Variants in LINGO2 observed in about 807,000 individuals in gnomAD.
LINGO2 encodes the protein leucine rich repeat and Ig domain containing 2.
A neutral mutation model predicts 30.6 loss-of-function variants in LINGO2; 14 were observed. That is an observed-to-expected ratio of 0.46 (90% confidence interval 0.30 to 0.72). The LOEUF is 0.72. Ranked by LOEUF, LINGO2 falls within the 30% of genes least tolerant of loss-of-function variation. The pLI, the probability that LINGO2 is intolerant of heterozygous loss-of-function variation, is 0.07. For missense variants in LINGO2, 729 were observed against 751.7 expected, an observed-to-expected ratio of 0.97 and a Z score of 0.35; for synonymous variants, 317 against 288.5, an observed-to-expected ratio of 1.10 and a Z score of -1.00.
intron 3 of LINGO2, among the ~76,000 whole-genome samples, chr9:28,364,545 C>A (rs1187042328): frequency 6.6e-6 from 1 of 152,140 alleles, no homozygotes; most frequent in East Asian, 1.9e-4. Flanking sequence ...TCTAATCTTC[C>A]TTTTTATTAG....
chr9:28,226,697 AAGAAAG>A (rs201476924), intron 4 of LINGO2, among the ~76,000 whole-genome samples: 3 of 60,534 alleles, frequency 5.0e-5, no homozygotes, highest in East Asian at 3.9e-4. Flanking sequence ...GAAAGAAAGA[AAGAAAG>A]AGAAAGAGAA....
At chr9:28,634,485 CTTTTT>C (rs755583837) in intron 1 of LINGO2, among the ~76,000 whole-genome samples, 1 of 124,672 alleles carries the variant, frequency 8.0e-6, no homozygotes, top group African/African-American at 3.1e-5. Flanking sequence ...TTCTTTTTTT[CTTTTT>C]TTTTTTTTTT....
At chr9:28,324,314 C>T (rs1258477983) in intron 3 of LINGO2, among the ~76,000 whole-genome samples, 2 of 152,104 alleles carry the variant, frequency 1.3e-5, no homozygotes, top group East Asian at 3.8e-4. Flanking sequence ...CCTCTGGTTT[C>T]GGTAATCGGT....
chr9:28,264,293 T>C (rs1030041619), intron 4 of LINGO2, among the ~76,000 whole-genome samples: 12 of 151,880 alleles, frequency 7.9e-5, no homozygotes, highest in Admixed American at 6.6e-5. Context: ...ATAAATAACG[T>C]AGGTTCCAGG....
At chr9:29,039,402 A>G in the LINGO2 span, among the ~76,000 whole-genome samples, 393 of 152,274 alleles carry the variant, frequency 2.6e-3, 2 homozygotes, top group Non-Finnish European at 3.4e-3. Context: ...CTTGTGTTAA[A>G]TAGGGTGTTT....
intron 2 of LINGO2, among the ~76,000 whole-genome samples, chr9:28,404,375 A>G (rs1218590704): frequency 1.3e-5 from 2 of 152,094 alleles, no homozygotes; most frequent in Non-Finnish European, 2.9e-5. Context: ...TATTAACTTA[A>G]TTTTCTTTTT....
At chr9:29,007,056 A>G in the LINGO2 span, among the ~76,000 whole-genome samples, 13 of 152,134 alleles carry the variant, frequency 8.5e-5, no homozygotes, top group Non-Finnish European at 1.5e-4. Context: ...GAGGAAAATT[A>G]ATTTTATTGA....
the LINGO2 span, among the ~76,000 whole-genome samples, chr9:28,790,486 G>A: frequency 6.8e-5 from 10 of 148,094 alleles, no homozygotes; most frequent in African/African-American, 2.3e-4. Context: ...CCGCCACCAC[G>A]CCCGGCTAAT....
chr9:28,272,858 C>T (rs1055533287), intron 4 of LINGO2, among the ~76,000 whole-genome samples: 1 of 152,068 alleles, frequency 6.6e-6, no homozygotes, highest in South Asian at 2.1e-4. Context: ...ACTAACTGAA[C>T]CAATCTCCAA....
At chr9:28,766,817 AGAGAGAGAGAGAAGGAGAGAAAG>A in the LINGO2 span, among the ~76,000 whole-genome samples, 117 of 23,976 alleles carry the variant, frequency 4.9e-3, no homozygotes, top group South Asian at 0.019. Flanking sequence ...AAGGAGAGAG[AGAGAGAGAGAGAAGGAGAGAAAG>A]AGAGAGAGAG....
chr9:28,835,343 G>A, the LINGO2 span, among the ~76,000 whole-genome samples: 1 of 152,118 alleles, frequency 6.6e-6, no homozygotes, highest in Non-Finnish European at 1.5e-5. Context: ...AATAACATGT[G>A]CTATTCAAAA....
chr9:28,423,609 C>T (rs1277851141), intron 2 of LINGO2, among the ~76,000 whole-genome samples: 1 of 151,994 alleles, frequency 6.6e-6, no homozygotes, highest in Non-Finnish European at 1.5e-5. Context: ...TATAACTCCC[C>T]ATGGTAATTC....
chr9:28,574,444 C>T (rs1184625194), intron 1 of LINGO2, among the ~76,000 whole-genome samples: 3 of 152,102 alleles, frequency 2.0e-5, no homozygotes, highest in Non-Finnish European at 4.4e-5. Flanking sequence ...AGCTACTAGT[C>T]TTGCAGGTTG....
At chr9:27,940,747 G>T in the LINGO2 span, 2 of 152,318 alleles carry the variant, frequency 1.3e-5, no homozygotes, top group African/African-American at 4.8e-5. Flanking sequence ...GAACTATGAA[G>T]AACTTCTAAA....
chr9:28,823,416 C>A, the LINGO2 span, among the ~76,000 whole-genome samples: 1 of 152,158 alleles, frequency 6.6e-6, no homozygotes, highest in Admixed American at 6.5e-5. Flanking sequence ...CATAACGTAT[C>A]TCCAGATATG....
intron 3 of LINGO2, among the ~76,000 whole-genome samples, chr9:28,302,844 T>C (rs12685553): frequency 0.24 from 37,128 of 152,032 alleles, 4,790 homozygotes; most frequent in Non-Finnish European, 0.3. Context: ...TTAATCTTCA[T>C]AAAAAACCTG....
intron 4 of LINGO2, among the ~76,000 whole-genome samples, chr9:28,029,033 G>A (rs1587722890): frequency 6.6e-6 from 1 of 152,158 alleles, no homozygotes; most frequent in Non-Finnish European, 1.5e-5. Flanking sequence ...AATAGGATAG[G>A]CGGGGCTAGA....
chr9:27,995,818 C>T (rs1467350707), intron 5 of LINGO2, among the ~76,000 whole-genome samples: 1 of 152,040 alleles, frequency 6.6e-6, no homozygotes, highest in Non-Finnish European at 1.5e-5. Flanking sequence ...CAAGGATGCC[C>T]AATTTCACCA....
At chr9:27,988,996 C>T (rs375715424) in intron 5 of LINGO2, among the ~76,000 whole-genome samples, 1 of 151,918 alleles carries the variant, frequency 6.6e-6, no homozygotes, top group Non-Finnish European at 1.5e-5. Flanking sequence ...ACTGCAATAG[C>T]CTCTCAGTCT....
Sources: allele counts gnomAD v4.1 joint callset (sites outside exome capture counted in the v4.1 genomes callset), GRCh38; gene constraint gnomAD v4.1.1; transcripts MANE v1.5; gene names NCBI Gene and HGNC (gene_info 2026-07-23, HGNC 2026-07-21).